The following GRM1 variants were observed in gnomAD, a reference collection of about 807,000 sequenced individuals.
The protein encoded by GRM1 is metabotropic glutamate receptor 1.
In GRM1, 33 loss-of-function variants were observed where a neutral mutation model predicts 90.9. The ratio of observed to expected loss-of-function variants is 0.36; its 90% CI spans 0.28 to 0.49. The LOEUF (loss-of-function observed/expected upper bound fraction) is 0.49, where lower values mean the gene tolerates loss of function less well. GRM1 is among the 20% of genes least tolerant of loss of function. The pLI is 0.99. For missense variants in GRM1, 1,190 were observed against 1,534.3 expected (o/e 0.78, Z 3.75); for synonymous variants, 700 against 613.2 (o/e 1.14, Z -2.09).
chr6:146,382,519 T>C (rs1413931583), intron 5 of GRM1, among the ~76,000 whole-genome samples: 1 of 152,132 alleles, frequency 6.6e-6, no homozygotes, highest in Non-Finnish European at 1.5e-5. Context: ...TTGTGTCTTA[T>C]CTTGGAAGTA....
At chr6:146,356,199 T>C (rs1025338156) in intron 4 of GRM1, among the ~76,000 whole-genome samples, 2 of 152,206 alleles carry the variant, frequency 1.3e-5, no homozygotes, top group African/African-American at 2.4e-5. Flanking sequence ...AATAGAAATA[T>C]GAATGAAATC....
At chr6:146,179,064 C>G (rs1025250399) in intron 2 of GRM1, among the ~76,000 whole-genome samples, 2 of 152,162 alleles carry the variant, frequency 1.3e-5, no homozygotes, top group African/African-American at 4.8e-5. Context: ...GGAAGTAATC[C>G]ATTTTCAGAT....
chr6:146,116,060 C>T (rs1374449422), intron 1 of GRM1, among the ~76,000 whole-genome samples: 2 of 152,162 alleles, frequency 1.3e-5, no homozygotes, highest in Admixed American at 6.5e-5. Context: ...AAGTGATTCT[C>T]TTCCCTCAGC....
chr6:146,235,390 G>C (rs145939218), intron 2 of GRM1, among the ~76,000 whole-genome samples: 1 of 152,136 alleles, frequency 6.6e-6, no homozygotes, highest in African/African-American at 2.4e-5. Flanking sequence ...GGATTTGTGT[G>C]TGTATTATGT....
chr6:146,226,773 T>G (rs1780254950), intron 2 of GRM1, among the ~76,000 whole-genome samples: 1 of 152,160 alleles, frequency 6.6e-6, no homozygotes, highest in African/African-American at 2.4e-5. Context: ...TGGACAGACT[T>G]GCAATATGGG....
chr6:146,297,392 C>A (rs1783213626), intron 2 of GRM1, among the ~76,000 whole-genome samples: 1 of 152,200 alleles, frequency 6.6e-6, no homozygotes, highest in South Asian at 2.1e-4. Flanking sequence ...AATCTCCTGA[C>A]CTCGTGATCC....
Position 146,431,803 on chromosome 6 carries a change from G to A in GRM1, c.2661-2069G>A, listed in dbSNP as rs1055346635. 3.9e-5 allele frequency among the ~76,000 whole-genome samples: 6 copies of A among 152,176 alleles called. No homozygotes were observed. In the South Asian group the frequency reaches 1.0e-3, roughly 26 times the overall value. ...ATATATAGTAAGGCATACTTAAGGAGGGTAAGAGGCAAATAAGTTTTATAT... is the reference window on the plus strand; with the variant it reads ...ATATATAGTAAGGCATACTTAAGGAAGGTAAGAGGCAAATAAGTTTTATAT... On this transcript the variant is annotated intron_variant, in intron 7 of 7. Coordinates refer to ENST00000282753, the MANE Select transcript of GRM1 (RefSeq NM_001278064.2).
chr6:146,308,630 A>G (rs1431236049), intron 3 of GRM1, among the ~76,000 whole-genome samples: 3 of 152,070 alleles, frequency 2.0e-5, no homozygotes, highest in African/African-American at 7.2e-5. Context: ...GTCTTTTATA[A>G]TTTTTTTCTG....
intron 1 of GRM1, among the ~76,000 whole-genome samples, chr6:146,137,648 T>A (rs1219855159): frequency 6.6e-6 from 1 of 152,188 alleles, no homozygotes; most frequent in Non-Finnish European, 1.5e-5. Flanking sequence ...CTGGGTCTTA[T>A]CTGGTTCCAT....
intron 2 of GRM1, among the ~76,000 whole-genome samples, chr6:146,239,793 C>A (rs1211859992): frequency 6.6e-6 from 1 of 152,070 alleles, no homozygotes; most frequent in Non-Finnish European, 1.5e-5. Flanking sequence ...GAACTTATAA[C>A]TTTTGAGTGA....
rs780326589 is a variant in GRM1, at chr6:146,293,231, G to T, written c.951-11380G>T. On this transcript the variant is annotated intron_variant, in intron 2 of 7. Coordinates refer to ENST00000282753, the MANE Select transcript of GRM1 (RefSeq NM_001278064.2). ...GAAAAACATTTTGTATGTTCTGAAT[G>T]ATACTGAATTTTTCACTTTAAAATG... Among the ~76,000 whole-genome samples the T allele has an allele frequency of 4.7e-4, 72 of 152,018 alleles. No homozygotes were observed. The Middle Eastern group carries it at 0.01, about 22-fold the overall frequency.
chr6:146,114,269 A>T lies in GRM1; in HGVS notation c.701-45079A>T, dbSNP rs1264943322. On this transcript the variant is annotated intron_variant, in intron 1 of 7. Transcript: ENST00000282753. ...ATTAAATAGGCAAAAAACTTTAAATAATCAATACTCAAAGTTACAAAGAGT... is the reference window on the plus strand; with the variant it reads ...ATTAAATAGGCAAAAAACTTTAAATTATCAATACTCAAAGTTACAAAGAGT... Among the ~76,000 whole-genome samples, 3 of 152,216 alleles carry T rather than the reference A, an allele frequency of 2.0e-5. No homozygotes were observed. In the East Asian group the frequency reaches 5.8e-4, roughly 29 times the overall value.
chr6:146,294,325 C>A (rs1583286630), intron 2 of GRM1, among the ~76,000 whole-genome samples: 1 of 151,820 alleles, frequency 6.6e-6, no homozygotes, highest in African/African-American at 2.4e-5. Flanking sequence ...TTTATGACTT[C>A]TTTAACTTCA....
chr6:146,247,165 A>T (rs1781089060), intron 2 of GRM1, among the ~76,000 whole-genome samples: 1 of 152,168 alleles, frequency 6.6e-6, no homozygotes. Context: ...CCGTGTTTAC[A>T]TGAGACAGGT....
At position 146,072,517 on chromosome 6, in the gene GRM1, A is replaced by C. The variant is rs148032307; in HGVS notation, c.700+42300A>C. Among the ~76,000 whole-genome samples, 188 of 152,312 alleles carry C rather than the reference A, an allele frequency of 1.2e-3. 1 individual carries two copies. Among genetic ancestry groups the C allele is most frequent in the African/African-American group, 4.4e-3 (181 of 41,576 alleles). The stretch of plus-strand genomic sequence containing the variant: ...TCAAAAGCAAAGTATATAAATAAAC[A>C]AAACTTAAATGTTATTGTCCTGAAT... On this transcript the variant is annotated intron_variant, in intron 1 of 7. Transcript: ENST00000282753.
At chr6:146,428,917 C>T (rs563008245) in intron 7 of GRM1, among the ~76,000 whole-genome samples, 1 of 152,210 alleles carries the variant, frequency 6.6e-6, no homozygotes, top group East Asian at 1.9e-4. Context: ...CTTTATGGTG[C>T]CTTCTATACT....
At chr6:146,374,531 G>T (rs906919908) in intron 5 of GRM1, among the ~76,000 whole-genome samples, 4 of 151,974 alleles carry the variant, frequency 2.6e-5, no homozygotes, top group African/African-American at 9.7e-5. Context: ...TTTTATTACG[G>T]CTTCAATCTT....
chr6:146,349,447 C>G (rs1374903225), intron 3 of GRM1, among the ~76,000 whole-genome samples: 1 of 152,034 alleles, frequency 6.6e-6, no homozygotes, highest in Non-Finnish European at 1.5e-5. Flanking sequence ...AAATATTTGC[C>G]TGATTCACTC....
At chr6:146,131,361 T>A (rs1013480844) in intron 1 of GRM1, among the ~76,000 whole-genome samples, 2 of 152,048 alleles carry the variant, frequency 1.3e-5, no homozygotes, top group African/African-American at 4.8e-5. Context: ...AAAGGTGTTA[T>A]CCCCAAAATT....
Sources: allele counts gnomAD v4.1 joint callset (sites outside exome capture counted in the v4.1 genomes callset), GRCh38; gene constraint gnomAD v4.1.1; transcripts MANE v1.5; gene names NCBI Gene and HGNC (gene_info 2026-07-23, HGNC 2026-07-21).